The following HINT3 variants were observed in gnomAD, a reference collection of about 807,000 sequenced individuals.
HINT3 encodes adenosine 5'-monophosphoramidase HINT3.
A neutral mutation model predicts 19.1 loss-of-function variants in HINT3; 16 were observed. That is an observed-to-expected ratio of 0.84 (90% confidence interval 0.57 to 1.27). The LOEUF (loss-of-function observed/expected upper bound fraction) is 1.27. Among genes scored for constraint, HINT3 ranks in the 50% most tolerant of loss-of-function variants. The pLI is 0.00. For missense variants in HINT3, 197 were observed against 225.8 expected (o/e 0.87, Z 0.82); for synonymous variants, 75 against 84.8 (o/e 0.88, Z 0.63).
intron 4 of HINT3, among the ~76,000 whole-genome samples, chr6:125,976,435 A>G (rs1471423507): frequency 4.0e-5 from 6 of 150,984 alleles, no homozygotes; most frequent in African/African-American, 1.5e-4. Context: ...TAAATAATAT[A>G]TAAGATACAT....
In HINT3 at chr6:125,972,095, G is replaced by A. The variant is rs201955968; in HGVS notation, c.320-164G>A. Among the ~76,000 whole-genome samples the A allele has an allele frequency of 9.9e-5, 15 of 152,230 alleles. No homozygotes were observed. In the East Asian group the frequency reaches 2.3e-3, roughly 24 times the overall value. The stretch of plus-strand genomic sequence containing the variant: ...TGGTCTCAAACTCCTAGGCTCAAGT[G>A]ATCCTCCTCCCAAAGTGTTGGGATT... On this transcript the variant is annotated intron_variant, in intron 2 of 4. Transcript: ENST00000229633.
intron 3 of HINT3, among the ~76,000 whole-genome samples, chr6:125,974,452 A>G (rs910351703): frequency 3.9e-5 from 6 of 152,220 alleles, no homozygotes; most frequent in Non-Finnish European, 8.8e-5. Context: ...CTGGCTATGT[A>G]TTGAATAAAG....
At position 125,979,995 on chromosome 6, in the gene HINT3, A is replaced by G. The variant is rs1399328031; in HGVS notation, c.*2319A>G. 6.6e-6 allele frequency: 1 copy of G among 152,232 alleles called. No homozygotes were observed. Among genetic ancestry groups the G allele is most frequent in the Non-Finnish European group, 1.5e-5 (1 of 68,042 alleles). The allele number at this position is 152,232 out of a possible 1,614,324, so 9.4% of individuals were successfully genotyped here. On this transcript the variant is annotated 3_prime_UTR_variant, in exon 5 of 5. Coordinates refer to ENST00000229633, the MANE Select transcript of HINT3 (RefSeq NM_138571.5). Reference sequence around the variant, plus strand: ...TTAGTAGAGGTTCTTATTTACTTATAAAGATTAATAATCAAATTACTACAA... The same window carrying G: ...TTAGTAGAGGTTCTTATTTACTTATGAAGATTAATAATCAAATTACTACAA...
At chr6:125,966,757 C>G (rs1408961406) in intron 1 of HINT3, 130 bp from the exon 2 acceptor site, 1 of 539,440 alleles carries the variant, frequency 1.9e-6, no homozygotes, top group African/African-American at 2.0e-5. Context: ...TATAAAATTG[C>G]CCAGTGGGGG....
chr6:125,976,321 G>A (rs1270048485), intron 4 of HINT3, among the ~76,000 whole-genome samples: 1 of 152,022 alleles, frequency 6.6e-6, no homozygotes, highest in African/African-American at 2.4e-5. Context: ...TGAGATAGGA[G>A]GATCGCTTGA....
At chr6:125,967,511 T>C (rs1386387292) in intron 2 of HINT3, among the ~76,000 whole-genome samples, 3 of 152,114 alleles carry the variant, frequency 2.0e-5, no homozygotes, top group Admixed American at 6.5e-5. Flanking sequence ...TTTGTATTTT[T>C]AGTAGAGACG....
intron 1 of HINT3, among the ~76,000 whole-genome samples, chr6:125,957,730 A>G (rs976590386): frequency 6.6e-6 from 1 of 152,174 alleles, no homozygotes; most frequent in African/African-American, 2.4e-5. Context: ...TCTGAATTCC[A>G]CTGTCAGTTG....
At chr6:125,967,307 A>G (rs972274972) in intron 2 of HINT3, among the ~76,000 whole-genome samples, 1 of 151,240 alleles carries the variant, frequency 6.6e-6, no homozygotes, top group Admixed American at 6.6e-5. Context: ...ACTGTCCAAA[A>G]GATAATATAT....
intron 1 of HINT3, among the ~76,000 whole-genome samples, chr6:125,960,331 T>C (rs1788900690): frequency 6.6e-6 from 1 of 152,118 alleles, no homozygotes; most frequent in Non-Finnish European, 1.5e-5. Context: ...GATTTTGCCA[T>C]GTGGTTGTTA....
chr6:125,973,610 C>T (rs1363645225), intron 3 of HINT3, among the ~76,000 whole-genome samples: 1 of 152,132 alleles, frequency 6.6e-6, no homozygotes, highest in African/African-American at 2.4e-5. Flanking sequence ...ACCTGCTCTG[C>T]CTGCTGGTAG....
Position 125,962,179 on chromosome 6 carries a change from T to C in HINT3, c.202-4708T>C, listed in dbSNP as rs62426371. 9.7e-3 allele frequency among the ~76,000 whole-genome samples: 479 copies of C among 49,624 alleles called. 47 individuals carry two copies. The highest frequency in any genetic ancestry group is 0.024 in the Middle Eastern group (2 of 84). The allele number at this position is 49,624 out of a possible 152,430, so 32.6% of individuals were successfully genotyped here. A position where few individuals can be genotyped will look rare whatever the true frequency, so the allele number is the denominator to read the frequency against. ...ATATATACACATATATATATATATA[T>C]ATATATACACATATATATATATATA... On this transcript the variant is annotated intron_variant, in intron 1 of 4. Coordinates refer to ENST00000229633, the MANE Select transcript of HINT3 (RefSeq NM_138571.5).
chr6:125,963,607 A>G (rs1208389344), intron 1 of HINT3, among the ~76,000 whole-genome samples: 1 of 152,206 alleles, frequency 6.6e-6, no homozygotes, highest in Non-Finnish European at 1.5e-5. Context: ...CATTTCCAAA[A>G]GGATAAAAGT....
At position 125,979,951 on chromosome 6, in the gene HINT3, AC is replaced by A. The variant is rs1789227783; in HGVS notation, c.*2278del. ...GCCGTAGACAACCTATTTGTTAAAAACCCTTGGAAACACATCTTTTAGTAGA... is the reference window on the plus strand; with the variant it reads ...GCCGTAGACAACCTATTTGTTAAAAACCTTGGAAACACATCTTTTAGTAGA... On this transcript the variant is annotated 3_prime_UTR_variant, in exon 5 of 5. Transcript: ENST00000229633. 1 of 152,120 alleles carries A rather than the reference AC, an allele frequency of 6.6e-6. No homozygotes were observed. Among genetic ancestry groups the A allele is most frequent in the South Asian group, 2.1e-4 (1 of 4,820 alleles). 9.4% of individuals were successfully genotyped at this position (152,120 alleles called of 1,614,324 possible). A position where few individuals can be genotyped will look rare whatever the true frequency, so the allele number is the denominator to read the frequency against.
chr6:125,976,046 T>C (rs1056310936), intron 4 of HINT3, among the ~76,000 whole-genome samples: 3 of 152,228 alleles, frequency 2.0e-5, no homozygotes, highest in African/African-American at 7.2e-5. Context: ...TTATTTTATG[T>C]GTCCATGATG....
Position 125,957,157 on chromosome 6 carries a change from C to T in HINT3, c.180C>T (p.Gly60=), listed in dbSNP as rs376858839. 24 of 1,549,430 alleles carry T rather than the reference C, an allele frequency of 1.5e-5. No individual in the cohort carries two copies. In the Middle Eastern group the frequency reaches 5.0e-4, roughly 33 times the overall value. ...GGATCGCGGGGCGGCAGGACCCGGG[C>T]ACCGAACTCCTGCACTGCGAGGTGG... The part of the protein sequence containing the change: ...FCRIAGRQDP[G]TELLHCENED... Residue 60 remains glycine (G), a synonymous_variant, in exon 1 of 5, where the codon GGC becomes GGT. Coordinates refer to ENST00000229633, the MANE Select transcript of HINT3 (RefSeq NM_138571.5).
rs1788849425 is a variant in HINT3 at position 125,957,138 on chromosome 6, C to T, written c.161C>T (p.Ala54Val). The change falls in exon 1 of 5, where the codon GCG becomes GTG. Residue 54 changes from alanine to valine, a missense_variant. Coordinates refer to ENST00000229633, the MANE Select transcript of HINT3 (RefSeq NM_138571.5). ...YDSTCVFCRI[A>V]GRQDPGTELL... ...AGCACCTGCGTGTTCTGCCGGATCG[C>T]GGGGCGGCAGGACCCGGGCACCGAA... 1.3e-6 allele frequency: 2 copies of T among 1,550,248 alleles called. No homozygotes were observed. The highest frequency in any genetic ancestry group is 1.7e-6 in the Non-Finnish European group (2 of 1,146,594).
Position 125,977,921 on chromosome 6 carries a change from A to G in HINT3, c.*245A>G, listed in dbSNP as rs1789200916. ...TTTTATATATATGATACTATAGATAAAATCCTATTTAAGACAAATTCTGTT... is the reference window on the plus strand; with the variant it reads ...TTTTATATATATGATACTATAGATAGAATCCTATTTAAGACAAATTCTGTT... On this transcript the variant is annotated 3_prime_UTR_variant, in exon 5 of 5. Coordinates refer to ENST00000229633, the MANE Select transcript of HINT3 (RefSeq NM_138571.5). 1 of 315,458 alleles carries G rather than the reference A, an allele frequency of 3.2e-6. No homozygotes were observed. The highest frequency in any genetic ancestry group is 5.7e-6 in the Non-Finnish European group (1 of 174,208). The allele number at this position is 315,458 out of a possible 1,614,324, so 19.5% of individuals were successfully genotyped here.
At chr6:125,957,292 C>A in intron 1 of HINT3, 114 bp downstream of exon 1, 1 of 1,151,716 alleles carries the variant, frequency 8.7e-7, no homozygotes, top group Non-Finnish European at 1.2e-6. Context: ...CGCTACTCAG[C>A]TCGCAGAGGC....
chr6:125,961,124 G>T (rs1788918593), intron 1 of HINT3, among the ~76,000 whole-genome samples: 1 of 152,002 alleles, frequency 6.6e-6, no homozygotes, highest in Non-Finnish European at 1.5e-5. Context: ...AAGAGACTGG[G>T]GATATTTTCA....
Sources: allele counts gnomAD v4.1 joint callset (sites outside exome capture counted in the v4.1 genomes callset), GRCh38; gene constraint gnomAD v4.1.1; transcripts MANE v1.5; gene names NCBI Gene and HGNC (gene_info 2026-07-23, HGNC 2026-07-21).